DLC1: variants seen among roughly 807,000 people sequenced by gnomAD.
DLC1 encodes DLC1 Rho GTPase activating protein.
A neutral mutation model predicts 140.3 loss-of-function variants in DLC1; 54 were observed. The ratio of observed to expected loss-of-function variants is 0.38; its 90% confidence interval spans 0.31 to 0.48. The LOEUF is 0.48. DLC1 is among the 20% of genes least tolerant of loss of function. The pLI is 0.96. For synonymous variants in DLC1, 986 were observed against 728.1 expected (o/e 1.35, Z -5.70); for missense variants, 2,536 against 1,907.0 (o/e 1.33, Z -6.14).
intron 4 of DLC1, among the ~76,000 whole-genome samples, chr8:13,346,332 A>G (rs1418764884): frequency 2.0e-5 from 3 of 152,218 alleles, no homozygotes; most frequent in African/African-American, 7.2e-5. Context: ...TTTGGAGGGA[A>G]AAACATTTGT....
At chr8:13,302,825 T>C (rs1832255764) in intron 5 of DLC1, among the ~76,000 whole-genome samples, 1 of 151,918 alleles carries the variant, frequency 6.6e-6, no homozygotes, top group Non-Finnish European at 1.5e-5. Context: ...TGGCCATTCC[T>C]CTGTCTAGCG....
intron 2 of DLC1, among the ~76,000 whole-genome samples, chr8:13,419,805 C>T (rs368775365): frequency 4.6e-5 from 7 of 152,082 alleles, no homozygotes. Flanking sequence ...TTCCTCCTTG[C>T]ACCTCTGGTA....
chr8:13,476,270 T>G (rs2117094228), intron 2 of DLC1, among the ~76,000 whole-genome samples: 1 of 152,354 alleles, frequency 6.6e-6, no homozygotes, highest in South Asian at 2.1e-4. Flanking sequence ...TCGTGATATT[T>G]TAAATCATTA....
At chr8:13,459,317 C>A (rs1023995016) in intron 2 of DLC1, among the ~76,000 whole-genome samples, 8 of 152,030 alleles carry the variant, frequency 5.3e-5, no homozygotes, top group African/African-American at 1.9e-4. Flanking sequence ...GGGTGTTGAC[C>A]TTCTCTGGAT....
At chr8:13,231,585 G>A (rs112347906) in intron 5 of DLC1, among the ~76,000 whole-genome samples, 29 of 152,260 alleles carry the variant, frequency 1.9e-4, no homozygotes, top group African/African-American at 6.5e-4. Context: ...CTTTCATTTT[G>A]ATTGGTCTAC....
intron 5 of DLC1, among the ~76,000 whole-genome samples, chr8:13,209,084 G>T (rs999126084): frequency 6.6e-6 from 1 of 152,148 alleles, no homozygotes; most frequent in African/African-American, 2.4e-5. Context: ...AAAGCCCGTA[G>T]ATGCCAGAAA....
intron 5 of DLC1, among the ~76,000 whole-genome samples, chr8:13,172,741 G>C (rs1299140205): frequency 6.6e-6 from 1 of 152,190 alleles, no homozygotes; most frequent in Non-Finnish European, 1.5e-5. Context: ...CGATTCCTCA[G>C]TAGCTTCGCT....
At chr8:13,293,256 A>G (rs1831830356) in intron 5 of DLC1, among the ~76,000 whole-genome samples, 2 of 152,212 alleles carry the variant, frequency 1.3e-5, no homozygotes, top group African/African-American at 4.8e-5. Context: ...TTAAAAATGA[A>G]TTAATAGCCA....
In DLC1 at chr8:13,085,777, C is replaced by T. The variant is rs766510598; in HGVS notation, c.*34G>A. 2.5e-5 allele frequency: 40 copies of T among 1,613,356 alleles called. No homozygotes were observed. In the South Asian group the frequency reaches 4.3e-4, roughly 17 times the overall value. ...TGGCAAAAGTTCTAGAAACAAACAC[C>T]ATGGTGGTGGAAGCGGTTGCGTTGC... On this transcript the variant is annotated 3_prime_UTR_variant, in exon 18 of 18. Transcript: ENST00000276297.
chr8:13,361,875 A>G, intron 4 of DLC1, among the ~76,000 whole-genome samples: 1 of 152,206 alleles, frequency 6.6e-6, no homozygotes, highest in Non-Finnish European at 1.5e-5. Context: ...AAGTCATGAC[A>G]TTAGGTGCTG....
At chr8:13,432,920 G>C (rs1838949901) in intron 2 of DLC1, among the ~76,000 whole-genome samples, 1 of 147,914 alleles carries the variant, frequency 6.8e-6, no homozygotes, top group South Asian at 2.2e-4. Context: ...CTGCTGTCCT[G>C]CTGGAGGAGG....
intron 5 of DLC1, among the ~76,000 whole-genome samples, chr8:13,161,960 TAAAAC>T (rs921437251): frequency 3.9e-5 from 6 of 152,222 alleles, no homozygotes; most frequent in African/African-American, 1.4e-4. Context: ...TTGTGATAAA[TAAAAC>T]ACAAAGTAAT....
intron 5 of DLC1, among the ~76,000 whole-genome samples, chr8:13,269,783 C>T (rs183088690): frequency 5.9e-4 from 89 of 149,832 alleles, no homozygotes; most frequent in Middle Eastern, 3.6e-3. Flanking sequence ...CATGGCCAGG[C>T]GCAGTGGCCC....
At chr8:13,365,290 G>C (rs1478847546) in intron 4 of DLC1, among the ~76,000 whole-genome samples, 1 of 152,144 alleles carries the variant, frequency 6.6e-6, no homozygotes, top group Non-Finnish European at 1.5e-5. Context: ...TGAATGCAGT[G>C]AGTCAGATGT....
chr8:13,499,655 A>G lies in DLC1; in HGVS notation c.417T>C (p.His139=), dbSNP rs1264681255. The part of the protein sequence containing the change: ...NTQGQKTSGQ[H]MIQGAGSLEK... Reference sequence around the variant, plus strand: ...CTAAGGAGCCTGCTCCTTGGATCATATGTTGGCCTGATGTTTTCTGCCCTT... The same window carrying G: ...CTAAGGAGCCTGCTCCTTGGATCATGTGTTGGCCTGATGTTTTCTGCCCTT... The change falls in exon 2 of 18, where the codon CAT becomes CAC. Residue 139 remains histidine (H), a synonymous_variant. Transcript: ENST00000276297. The G allele has an allele frequency of 3.1e-6, 5 of 1,613,992 alleles. No individual in the cohort carries two copies. Among genetic ancestry groups the G allele is most frequent in the African/African-American group, 2.7e-5 (2 of 74,896 alleles).
At chr8:13,106,546 G>T (rs1264698081) in intron 7 of DLC1, among the ~76,000 whole-genome samples, 3 of 152,118 alleles carry the variant, frequency 2.0e-5, no homozygotes, top group African/African-American at 7.2e-5. Context: ...ATGGGGTCTT[G>T]CCATGTTTCC....
rs542352963 is a variant in DLC1, at chr8:13,582,744, G to A, written c.-126+21793C>T. On this transcript the variant is annotated intron_variant, in intron 1 of 1. Coordinates refer to the DLC1 transcript ENST00000631382. ...CCTCTAGAGAACCCTGACTAATACAGTACAGGAACTCACAGATTTTGTGGA... is the reference window on the plus strand; with the variant it reads ...CCTCTAGAGAACCCTGACTAATACAATACAGGAACTCACAGATTTTGTGGA... Among the ~76,000 whole-genome samples the A allele has an allele frequency of 3.3e-5, 5 of 150,864 alleles. No individual in the cohort carries two copies. In the South Asian group the frequency reaches 6.3e-4, roughly 19 times the overall value.
chr8:13,569,495 A>G (rs890070818), intron 1 of DLC1, among the ~76,000 whole-genome samples: 2 of 152,116 alleles, frequency 1.3e-5, no homozygotes, highest in African/African-American at 2.4e-5. Flanking sequence ...TGACATCTCA[A>G]TATATTCATG....
intron 1 of DLC1, among the ~76,000 whole-genome samples, chr8:13,530,962 G>C (rs1448766368): frequency 6.6e-6 from 1 of 152,158 alleles, no homozygotes; most frequent in African/African-American, 2.4e-5. Flanking sequence ...GATGGTATTT[G>C]GAGATGATGC....
Sources: allele counts gnomAD v4.1 joint callset (sites outside exome capture counted in the v4.1 genomes callset), GRCh38; gene constraint gnomAD v4.1.1; transcripts MANE v1.5; gene names NCBI Gene and HGNC (gene_info 2026-07-23, HGNC 2026-07-21).